CDH12: variants seen among roughly 807,000 people sequenced by gnomAD.
CDH12 encodes the protein cadherin-12.
In CDH12, 41 loss-of-function variants were observed where a neutral mutation model predicts 74.1. That is an observed-to-expected ratio of 0.55 (90% CI 0.43 to 0.72). CDH12 has a LOEUF of 0.72. CDH12 is among the 30% of genes least tolerant of loss of function. The probability of loss-of-function intolerance (pLI) is 0.00; values close to 1 mark genes in which losing one functional copy is unlikely to be tolerated. For missense variants in CDH12, 945 were observed against 977.2 expected, an observed-to-expected ratio of 0.97 and a Z score of 0.44; for synonymous variants, 399 against 355.0, an observed-to-expected ratio of 1.12 and a Z score of -1.39.
intron 1 of CDH12, among the ~76,000 whole-genome samples, chr5:22,515,367 T>C (rs1239008747): frequency 6.6e-6 from 1 of 152,002 alleles, no homozygotes; most frequent in Non-Finnish European, 1.5e-5. Context: ...TAATAATAAA[T>C]AAGTACAAGG....
At chr5:22,503,803 T>C (rs1469861018) in intron 2 of CDH12, among the ~76,000 whole-genome samples, 1 of 152,082 alleles carries the variant, frequency 6.6e-6, no homozygotes, top group African/African-American at 2.4e-5. Flanking sequence ...CTTTGGATGT[T>C]TTAATGCTCT....
chr5:22,179,593 GAAC>G (rs1749527058), intron 4 of CDH12, among the ~76,000 whole-genome samples: 1 of 152,066 alleles, frequency 6.6e-6, no homozygotes, highest in Admixed American at 6.6e-5. Context: ...ATTACCTTAA[GAAC>G]AACTTTTTAG....
chr5:22,721,996 C>T (rs1743922611), intron 1 of CDH12, among the ~76,000 whole-genome samples: 1 of 152,110 alleles, frequency 6.6e-6, no homozygotes, highest in Non-Finnish European at 1.5e-5. Flanking sequence ...TCCCTTACAG[C>T]AGTGTGAAAA....
Position 21,833,363 on chromosome 5 carries a change from A to G in CDH12, c.814+8798T>C, listed in dbSNP as rs183003914. On this transcript the variant is annotated intron_variant, in intron 8 of 14. Coordinates refer to ENST00000382254, the MANE Select transcript of CDH12 (RefSeq NM_004061.5). ...ATATAACATATAATATATATTATAT[A>G]TTATATAGTATAATTATATATAATT... 1.3e-3 allele frequency among the ~76,000 whole-genome samples: 113 copies of G among 90,102 alleles called. 5 individuals are homozygous for G. The highest frequency in any genetic ancestry group is 2.4e-3 in the African/African-American group (51 of 20,948). The allele number at this position is 90,102 out of a possible 152,430, so 59.1% of individuals were successfully genotyped here.
chr5:22,299,833 G>A (rs1737790888), intron 3 of CDH12, among the ~76,000 whole-genome samples: 1 of 152,084 alleles, frequency 6.6e-6, no homozygotes, highest in South Asian at 2.1e-4. Flanking sequence ...GTTAAAAAAT[G>A]ATTTAGTGAT....
chr5:22,091,901 C>A (rs1267069109), intron 4 of CDH12, among the ~76,000 whole-genome samples: 2 of 151,878 alleles, frequency 1.3e-5, no homozygotes, highest in South Asian at 2.1e-4. Context: ...ATAAATGGGT[C>A]CATCCTGAGT....
chr5:22,317,317 C>CA (rs962704719), intron 3 of CDH12, among the ~76,000 whole-genome samples: 83 of 144,288 alleles, frequency 5.8e-4, no homozygotes, highest in Middle Eastern at 3.8e-3. Flanking sequence ...GTCTCTGTCT[C>CA]AAAAAAAAAA....
intron 4 of CDH12, among the ~76,000 whole-genome samples, chr5:22,136,423 T>A (rs1226717463): frequency 6.6e-6 from 1 of 151,934 alleles, no homozygotes; most frequent in African/African-American, 2.4e-5. Flanking sequence ...TGTCCCCAAA[T>A]GAAACAGCTC....
At chr5:22,265,822 G>A (rs904021231) in intron 3 of CDH12, among the ~76,000 whole-genome samples, 7 of 152,084 alleles carry the variant, frequency 4.6e-5, no homozygotes, top group African/African-American at 1.7e-4. Context: ...CATGTATAAA[G>A]CAATATGAAC....
intron 1 of CDH12, among the ~76,000 whole-genome samples, chr5:22,682,059 A>G (rs1224845437): frequency 6.6e-6 from 1 of 152,118 alleles, no homozygotes; most frequent in East Asian, 1.9e-4. Context: ...TTTTCCCAGT[A>G]ATGGAATCAC....
At chr5:22,513,081 T>C (rs1736677651) in intron 1 of CDH12, among the ~76,000 whole-genome samples, 1 of 152,138 alleles carries the variant, frequency 6.6e-6, no homozygotes, top group Admixed American at 6.5e-5. Context: ...GTAATAATTT[T>C]ATTTAAAAAA....
At chr5:22,431,937 T>C (rs1020811999) in intron 2 of CDH12, among the ~76,000 whole-genome samples, 1 of 152,142 alleles carries the variant, frequency 6.6e-6, no homozygotes, top group Non-Finnish European at 1.5e-5. Context: ...CATCAATTTA[T>C]TGTTTAAGAA....
rs569813825 is a variant in CDH12, at chr5:22,454,789, A to G, written c.-427-49438T>C. On this transcript the variant is annotated intron_variant, in intron 2 of 14. Transcript: ENST00000382254. The stretch of plus-strand genomic sequence containing the variant: ...TGTGCCCAGCCTCTCTTCTTTTCCT[A>G]TTAAGGGCTCTCATTCCTAAAATGG... Among the ~76,000 whole-genome samples, 455 of 152,142 alleles carry G rather than the reference A, an allele frequency of 3.0e-3. 4 individuals are homozygous for G. Among genetic ancestry groups the G allele is most frequent in the Non-Finnish European group, 2.8e-3 (189 of 67,998 alleles).
At chr5:21,842,022 T>A (rs968001727) in intron 8 of CDH12, 139 bp downstream of exon 8, 5 of 685,972 alleles carry the variant, frequency 7.3e-6, no homozygotes, top group Non-Finnish European at 1.2e-5. Flanking sequence ...AAAAAAAGAT[T>A]TGTAATTTTT....
chr5:22,512,582 T>C (rs1736657058), intron 1 of CDH12, among the ~76,000 whole-genome samples: 2 of 152,158 alleles, frequency 1.3e-5, no homozygotes, highest in African/African-American at 4.8e-5. Flanking sequence ...GACATGTGGT[T>C]ATCAATAGTG....
intron 5 of CDH12, among the ~76,000 whole-genome samples, chr5:21,982,534 CATAT>C (rs1327971894): frequency 6.6e-6 from 1 of 150,790 alleles, no homozygotes. Flanking sequence ...CATCTATATC[CATAT>C]ATAGAGATCC....
rs544187247 is a variant in CDH12 at position 22,845,633 on chromosome 5, C to A, written c.-523+7425G>T. Among the ~76,000 whole-genome samples the A allele has an allele frequency of 8.5e-5, 13 of 152,160 alleles. No homozygotes were observed. In the South Asian group the frequency reaches 2.7e-3, roughly 32 times the overall value. On this transcript the variant is annotated intron_variant, in intron 1 of 14. Coordinates refer to ENST00000382254, the MANE Select transcript of CDH12 (RefSeq NM_004061.5). ...GATGATTCTTCTGCAGAAGAAAGTG[C>A]TACTTTCAGACAATTGTTAGAGAAC...
intron 3 of CDH12, among the ~76,000 whole-genome samples, chr5:22,307,522 C>A (rs75991885): frequency 1.8e-4 from 28 of 152,246 alleles, no homozygotes; most frequent in African/African-American, 6.0e-4. Context: ...CACACAGTAT[C>A]ATGCCTGACA....
At chr5:22,331,651 A>T (rs983910592) in intron 3 of CDH12, among the ~76,000 whole-genome samples, 1 of 152,226 alleles carries the variant, frequency 6.6e-6, no homozygotes, top group Non-Finnish European at 1.5e-5. Context: ...GACCTCACCA[A>T]ATGAACTAAA....
Sources: allele counts gnomAD v4.1 joint callset (sites outside exome capture counted in the v4.1 genomes callset), GRCh38; gene constraint gnomAD v4.1.1; transcripts MANE v1.5; gene names NCBI Gene and HGNC (gene_info 2026-07-23, HGNC 2026-07-21).